ARHGEF12: variants seen among roughly 807,000 people sequenced by gnomAD.
The protein encoded by ARHGEF12 is Rho guanine nucleotide exchange factor 12.
In ARHGEF12, 66 loss-of-function variants were observed where a neutral mutation model predicts 211.2. The ratio of observed to expected loss-of-function variants is 0.31; its 90% CI spans 0.26 to 0.38. The LOEUF (loss-of-function observed/expected upper bound fraction) is 0.38. ARHGEF12 is among the 10% of genes least tolerant of loss of function. ARHGEF12 has a pLI of 1.00. For missense variants in ARHGEF12, 1,429 were observed against 1,869.5 expected, an observed-to-expected ratio of 0.76 and a Z score of 4.34; for synonymous variants, 592 against 638.4, an observed-to-expected ratio of 0.93 and a Z score of 1.09.
At chr11:120,471,745 T>C (rs1946876162) in intron 30 of ARHGEF12, among the ~76,000 whole-genome samples, 1 of 152,150 alleles carries the variant, frequency 6.6e-6, no homozygotes, top group Non-Finnish European at 1.5e-5. Flanking sequence ...AATAGATATA[T>C]GATAAAACAA....
chr11:120,413,463 A>G (rs1046269700), intron 4 of ARHGEF12, among the ~76,000 whole-genome samples: 3 of 152,232 alleles, frequency 2.0e-5, no homozygotes, highest in African/African-American at 4.8e-5. Context: ...TGACATAGGA[A>G]GTATTTTAGT....
chr11:120,448,630 A>G (rs1451328328), intron 20 of ARHGEF12: 1 of 412,862 alleles, frequency 2.4e-6, no homozygotes, highest in Non-Finnish European at 4.3e-6. Flanking sequence ...CTTTGCCTAA[A>G]CTAAATACCC....
At chr11:120,466,914 TC>T (rs376815702) in intron 28 of ARHGEF12, among the ~76,000 whole-genome samples, 1 of 152,306 alleles carries the variant, frequency 6.6e-6, no homozygotes, top group East Asian at 1.9e-4. Context: ...TAAAACTGTT[TC>T]AACACAAGGA....
chr11:120,389,212 A>G (rs903239829), intron 1 of ARHGEF12, among the ~76,000 whole-genome samples: 2 of 152,132 alleles, frequency 1.3e-5, no homozygotes, highest in Admixed American at 1.3e-4. Flanking sequence ...ACTTTCTCCC[A>G]GCCTGTGGCT....
intron 1 of ARHGEF12, among the ~76,000 whole-genome samples, chr11:120,340,371 A>G (rs1358257644): frequency 2.0e-5 from 3 of 152,212 alleles, no homozygotes; most frequent in African/African-American, 7.2e-5. Context: ...CTTGAAATAA[A>G]TGGACTTTTG....
intron 1 of ARHGEF12, among the ~76,000 whole-genome samples, chr11:120,381,119 C>T (rs1319846067): frequency 1.3e-5 from 2 of 152,156 alleles, no homozygotes; most frequent in African/African-American, 2.4e-5. Flanking sequence ...TAGGTGTGCT[C>T]ATTGCTATTG....
rs1343796104 is a variant in ARHGEF12, at chr11:120,488,170, T to C, written c.*3093T>C. On this transcript the variant is annotated 3_prime_UTR_variant, in exon 41 of 41. Coordinates refer to ENST00000397843, the MANE Select transcript of ARHGEF12 (RefSeq NM_015313.3). ...AGAAAGTAATTATGCTTCCTGTGAATTGTCTTTTACTGGCATCTTTGTTTT... is the reference window on the plus strand; with the variant it reads ...AGAAAGTAATTATGCTTCCTGTGAACTGTCTTTTACTGGCATCTTTGTTTT... 9.2e-6 allele frequency: 2 copies of C among 216,662 alleles called. No homozygotes were observed. Among genetic ancestry groups the C allele is most frequent in the Non-Finnish European group, 1.9e-5 (2 of 107,620 alleles). 13.4% of individuals were successfully genotyped at this position (216,662 alleles called of 1,614,324 possible).
intron 32 of ARHGEF12, among the ~76,000 whole-genome samples, chr11:120,475,139 A>G (rs961253881): frequency 6.6e-6 from 1 of 152,078 alleles, no homozygotes; most frequent in Non-Finnish European, 1.5e-5. Flanking sequence ...TTTATTTCCT[A>G]TTGGTCACAG....
At chr11:120,385,199 T>C (rs1398022293) in intron 1 of ARHGEF12, 8 of 565,482 alleles carry the variant, frequency 1.4e-5, no homozygotes, top group African/African-American at 4.1e-5. Flanking sequence ...GGGAAATGTA[T>C]ATGGATGCTG....
chr11:120,394,493 A>T (rs1049494356), intron 1 of ARHGEF12, among the ~76,000 whole-genome samples: 1 of 151,206 alleles, frequency 6.6e-6, no homozygotes, highest in African/African-American at 2.4e-5. Flanking sequence ...ACCGTACCTG[A>T]CCAATTTCAT....
At chr11:120,394,989 A>G (rs555593517) in intron 1 of ARHGEF12, among the ~76,000 whole-genome samples, 42 of 144,390 alleles carry the variant, frequency 2.9e-4, no homozygotes, top group African/African-American at 1.0e-3. Flanking sequence ...CCCAGGAGGT[A>G]GAGGTTGCAA....
chr11:120,428,666 T>A (rs971063513), intron 8 of ARHGEF12, among the ~76,000 whole-genome samples: 4 of 152,106 alleles, frequency 2.6e-5, no homozygotes, highest in Non-Finnish European at 5.9e-5. Context: ...CAAGTAACTA[T>A]AATACAAGGC....
intron 22 of ARHGEF12, among the ~76,000 whole-genome samples, chr11:120,453,711 C>T (rs1946278454): frequency 1.3e-5 from 2 of 152,070 alleles, no homozygotes; most frequent in South Asian, 2.1e-4. Context: ...GAATGAGACC[C>T]TATCTCAAGA....
At chr11:120,411,550 C>A (rs1269900995) in intron 4 of ARHGEF12, 1 of 137,122 alleles carries the variant, frequency 7.3e-6, no homozygotes, top group Non-Finnish European at 1.6e-5. Context: ...ATGCTAGTTA[C>A]TCACATATTA....
At position 120,397,901 on chromosome 11, in the gene ARHGEF12, A is replaced by G. The variant is rs12421331; in HGVS notation, c.33-8217A>G. ...TTTTAAACATTGTATACAGAAATCT[A>G]TCTCTATTTTGGGAAAGAATGGGAA... On this transcript the variant is annotated intron_variant, in intron 1 of 40. Transcript: ENST00000397843. 1.7e-4 allele frequency among the ~76,000 whole-genome samples: 26 copies of G among 152,292 alleles called. No homozygotes were observed. The South Asian group carries it at 3.9e-3, about 23-fold the overall frequency.
At chr11:120,341,305 G>A (rs1443450418) in intron 1 of ARHGEF12, among the ~76,000 whole-genome samples, 4 of 49,842 alleles carry the variant, frequency 8.0e-5, no homozygotes, top group African/African-American at 1.3e-4. Context: ...TGATCCACCC[G>A]TCTCGGCCTC....
intron 1 of ARHGEF12, among the ~76,000 whole-genome samples, chr11:120,391,163 A>G (rs1944205626): frequency 6.6e-6 from 1 of 152,200 alleles, no homozygotes; most frequent in South Asian, 2.1e-4. Flanking sequence ...CAGGGAAGCT[A>G]ACCCCAGGAA....
At chr11:120,435,286 G>A (rs769980889) in intron 11 of ARHGEF12, among the ~76,000 whole-genome samples, 8 of 151,666 alleles carry the variant, frequency 5.3e-5, no homozygotes, top group African/African-American at 1.5e-4. Context: ...TCATGGTGTC[G>A]TATGACATGT....
chr11:120,423,014 A>G (rs1945242496), intron 6 of ARHGEF12, among the ~76,000 whole-genome samples: 1 of 152,220 alleles, frequency 6.6e-6, no homozygotes, highest in African/African-American at 2.4e-5. Flanking sequence ...TCTGAAACGT[A>G]TCACAGACCA....
Sources: gnomAD v4.1 joint callset for allele counts (sites outside exome capture counted in the v4.1 genomes callset) on GRCh38, gnomAD v4.1.1 for gene constraint, MANE v1.5 for transcripts, NCBI Gene and HGNC (gene_info 2026-07-23, HGNC 2026-07-21) for gene names.